ZNF804A: variants seen among roughly 807,000 people sequenced by gnomAD.
The protein encoded by ZNF804A is zinc finger protein 804A.
ZNF804A carries 2 observed loss-of-function variants against 16.5 expected under a neutral mutation model. That is an observed-to-expected ratio of 0.12 (90% CI 0.05 to 0.38). ZNF804A has a LOEUF of 0.38. ZNF804A is among the 10% of genes least tolerant of loss of function. The pLI is 0.99. For missense variants in ZNF804A, 1,473 were observed against 1,390.7 expected (o/e 1.06, Z -0.94); for synonymous variants, 534 against 489.6 (o/e 1.09, Z -1.20).
In ZNF804A at chr2:184,933,698, G is replaced by A. The variant is rs748770490; in HGVS notation, c.351G>A (p.Leu117=). The A allele has an allele frequency of 3.1e-6, 5 of 1,607,232 alleles. No individual in the cohort carries two copies. Among genetic ancestry groups the A allele is most frequent in the East Asian group, 2.2e-5 (1 of 44,688 alleles). The change falls in exon 3 of 4, where the codon CTG becomes CTA. Residue 117 remains leucine (L), a synonymous_variant. Coordinates refer to ENST00000302277, the MANE Select transcript of ZNF804A (RefSeq NM_194250.2). ...AACAGGAAAAGGCACTCCAACGCCT[G>A]CACAAGCTGGCTGAGCTAAGAAAGG... ...ERKQEKALQR[L]HKLAELRKET... is the part of the protein sequence containing the mutation.
chr2:184,853,510 G>A (rs992730322), intron 1 of ZNF804A, among the ~76,000 whole-genome samples: 7 of 151,720 alleles, frequency 4.6e-5, no homozygotes, highest in African/African-American at 1.7e-4. Flanking sequence ...TTTTACCATT[G>A]AGTATGATGT....
At chr2:184,741,377 G>A (rs6434101) in intron 1 of ZNF804A, among the ~76,000 whole-genome samples, 10,739 of 152,176 alleles carry the variant, frequency 0.071, 1,306 homozygotes, top group African/African-American at 0.24. Flanking sequence ...AATATTACCA[G>A]TCAGGGTAGC....
intron 1 of ZNF804A, among the ~76,000 whole-genome samples, chr2:184,816,825 G>A (rs1311106564): frequency 1.3e-5 from 2 of 151,912 alleles, no homozygotes; most frequent in Admixed American, 6.6e-5. Flanking sequence ...CAGCGTGGAT[G>A]CTTGAAATGA....
chr2:184,886,875 C>T (rs568065081), intron 2 of ZNF804A, among the ~76,000 whole-genome samples: 3 of 152,346 alleles, frequency 2.0e-5, no homozygotes, highest in Admixed American at 2.0e-4. Context: ...ATGAGAGGGG[C>T]TGCCATGAGG....
chr2:184,603,898 A>T (rs1397631248), intron 1 of ZNF804A, among the ~76,000 whole-genome samples: 1 of 152,156 alleles, frequency 6.6e-6, no homozygotes, highest in Non-Finnish European at 1.5e-5. Context: ...GTGAAACTTT[A>T]CTACATGTCC....
At chr2:184,630,175 G>T (rs973032787) in intron 1 of ZNF804A, among the ~76,000 whole-genome samples, 1 of 152,026 alleles carries the variant, frequency 6.6e-6, no homozygotes, top group Non-Finnish European at 1.5e-5. Context: ...TAAGTGAATG[G>T]CTTGTTACAT....
intron 1 of ZNF804A, among the ~76,000 whole-genome samples, chr2:184,687,125 G>A (rs1285238507): frequency 6.6e-6 from 1 of 152,136 alleles, no homozygotes; most frequent in Non-Finnish European, 1.5e-5. Flanking sequence ...ATATTTTGTA[G>A]GTTTGCTTCT....
intron 1 of ZNF804A, among the ~76,000 whole-genome samples, chr2:184,624,474 A>G (rs1691467411): frequency 6.6e-6 from 1 of 152,146 alleles, no homozygotes; most frequent in African/African-American, 2.4e-5. Flanking sequence ...GGTAAGTTCT[A>G]TATTACATTT....
At chr2:184,712,685 A>G (rs1042155891) in intron 1 of ZNF804A, among the ~76,000 whole-genome samples, 3 of 151,666 alleles carry the variant, frequency 2.0e-5, no homozygotes, top group Admixed American at 1.3e-4. Context: ...GGTGCCCGTA[A>G]TTCTCTTAAA....
intron 1 of ZNF804A, among the ~76,000 whole-genome samples, chr2:184,668,484 C>T (rs979986325): frequency 1.3e-5 from 2 of 151,854 alleles, no homozygotes; most frequent in Non-Finnish European, 2.9e-5. Flanking sequence ...TATTACTTCT[C>T]TCCATCAACA....
At chr2:184,704,992 C>T (rs987313089) in intron 1 of ZNF804A, among the ~76,000 whole-genome samples, 3 of 152,146 alleles carry the variant, frequency 2.0e-5, no homozygotes, top group African/African-American at 7.2e-5. Flanking sequence ...ATTGGTTAAA[C>T]ATTCACACCA....
At chr2:184,607,719 T>G (rs1405543751) in intron 1 of ZNF804A, among the ~76,000 whole-genome samples, 3 of 152,126 alleles carry the variant, frequency 2.0e-5, no homozygotes, top group African/African-American at 7.2e-5. Flanking sequence ...TTAGCCTGAA[T>G]TTAAGCAAAT....
At chr2:184,769,270 T>C (rs1558956287) in intron 1 of ZNF804A, among the ~76,000 whole-genome samples, 1 of 152,122 alleles carries the variant, frequency 6.6e-6, no homozygotes, top group Non-Finnish European at 1.5e-5. Context: ...GCTTGCAAAA[T>C]GTAAGTTCTG....
chr2:184,736,123 T>G (rs1402157647), intron 1 of ZNF804A, among the ~76,000 whole-genome samples: 1 of 152,136 alleles, frequency 6.6e-6, no homozygotes, highest in Non-Finnish European at 1.5e-5. Flanking sequence ...TTCTAACACA[T>G]GCACATGCCT....
At chr2:184,864,875 ATTT>A (rs34114485) in intron 1 of ZNF804A, among the ~76,000 whole-genome samples, 3 of 105,472 alleles carry the variant, frequency 2.8e-5, no homozygotes, top group African/African-American at 4.5e-5. Context: ...TATAGTTAGG[ATTT>A]TTTTTTTTTT....
At chr2:184,720,139 A>T (rs972098421) in intron 1 of ZNF804A, among the ~76,000 whole-genome samples, 1 of 152,086 alleles carries the variant, frequency 6.6e-6, no homozygotes, top group Non-Finnish European at 1.5e-5. Flanking sequence ...CTGTTTTTAA[A>T]AGCATCAGAT....
At chr2:184,618,849 T>G (rs1691373178) in intron 1 of ZNF804A, among the ~76,000 whole-genome samples, 1 of 152,138 alleles carries the variant, frequency 6.6e-6, no homozygotes, top group Admixed American at 6.6e-5. Context: ...TTCTAATCAC[T>G]GGGCTTTGCA....
At chr2:184,717,122 A>G (rs931443264) in intron 1 of ZNF804A, among the ~76,000 whole-genome samples, 1 of 152,160 alleles carries the variant, frequency 6.6e-6, no homozygotes, top group Non-Finnish European at 1.5e-5. Flanking sequence ...TTGAATTATG[A>G]TTTACTGAAA....
chr2:184,786,387 C>A lies in ZNF804A; in HGVS notation c.112-79982C>A, dbSNP rs974599767. Among the ~76,000 whole-genome samples the A allele has an allele frequency of 4.6e-5, 7 of 152,014 alleles. No individual in the cohort carries two copies. In the East Asian group the frequency reaches 1.3e-3, roughly 29 times the overall value. On this transcript the variant is annotated intron_variant, in intron 1 of 3. Transcript: ENST00000302277. ...TATTTTGTAAGACAAAGGATATGAA[C>A]TACAGTGAAAACTGGAAACTCACTT... is the stretch of plus-strand genomic sequence containing the variant.
Sources: allele counts gnomAD v4.1 joint callset (sites outside exome capture counted in the v4.1 genomes callset), GRCh38; gene constraint gnomAD v4.1.1; transcripts MANE v1.5; gene names NCBI Gene and HGNC (gene_info 2026-07-23, HGNC 2026-07-21).